EPHA6: variants seen among roughly 807,000 people sequenced by gnomAD.
EPHA6 encodes ephrin type-A receptor 6.
In EPHA6, 50 loss-of-function variants were observed where a neutral mutation model predicts 112.0. The ratio of observed to expected loss-of-function variants is 0.45; its 90% CI spans 0.36 to 0.56. The LOEUF is 0.56. EPHA6 is among the 20% of genes least tolerant of loss of function. The pLI, the probability that EPHA6 is intolerant of heterozygous loss-of-function variation, is 0.00. For missense variants in EPHA6, 1,280 were observed against 1,417.4 expected, an observed-to-expected ratio of 0.90 and a Z score of 1.56; for synonymous variants, 529 against 490.7, an observed-to-expected ratio of 1.08 and a Z score of -1.03.
chr3:97,042,167 G>A (rs909619937), intron 3 of EPHA6, among the ~76,000 whole-genome samples: 29 of 152,130 alleles, frequency 1.9e-4, no homozygotes, highest in African/African-American at 6.8e-4. Flanking sequence ...CTGGTAGGAG[G>A]TGATTGGGTC....
At chr3:97,610,431 G>A (rs967533279) in intron 12 of EPHA6, among the ~76,000 whole-genome samples, 1 of 151,668 alleles carries the variant, frequency 6.6e-6, no homozygotes, top group African/African-American at 2.4e-5. Context: ...TGCAAAAGCA[G>A]CTATAATAAC....
chr3:97,557,234 A>G (rs1258748804), intron 11 of EPHA6, among the ~76,000 whole-genome samples: 1 of 152,064 alleles, frequency 6.6e-6, no homozygotes, highest in Admixed American at 6.6e-5. Flanking sequence ...TGAACGAATA[A>G]GAGTGCCCAT....
At chr3:96,881,430 T>C (rs9874753) in intron 2 of EPHA6, among the ~76,000 whole-genome samples, 195 of 152,246 alleles carry the variant, frequency 1.3e-3, no homozygotes, top group African/African-American at 4.5e-3. Flanking sequence ...TAAAAAACTA[T>C]CAGGTCTCCT....
intron 10 of EPHA6, among the ~76,000 whole-genome samples, chr3:97,512,575 A>G (rs1335959114): frequency 5.3e-5 from 8 of 151,986 alleles, no homozygotes; most frequent in Non-Finnish European, 1.2e-4. Context: ...GATTATTATT[A>G]TTGTTTTGAG....
At chr3:97,712,890 G>C (rs1338120733) in intron 14 of EPHA6, among the ~76,000 whole-genome samples, 1 of 152,124 alleles carries the variant, frequency 6.6e-6, no homozygotes, top group East Asian at 1.9e-4. Context: ...GAGGAGAGGA[G>C]GAGGAGAGTC....
chr3:97,600,478 G>C lies in EPHA6; in HGVS notation c.2512+7741G>C, dbSNP rs187580374. Among the ~76,000 whole-genome samples the C allele has an allele frequency of 4.2e-3, 642 of 151,660 alleles. 3 individuals carry two copies. The highest frequency in any genetic ancestry group is 0.013 in the African/African-American group (532 of 41,352). Reference sequence around the variant, plus strand: ...TTTATTGAGAGTTTTTAGCATGAAGGGTTGTTGAATTTTGTCAAAGGCTTT... The same window carrying C: ...TTTATTGAGAGTTTTTAGCATGAAGCGTTGTTGAATTTTGTCAAAGGCTTT... On this transcript the variant is annotated intron_variant, in intron 12 of 17. Coordinates refer to ENST00000389672, the MANE Select transcript of EPHA6 (RefSeq NM_001080448.3).
chr3:96,974,133 T>C (rs1318693669), intron 2 of EPHA6, among the ~76,000 whole-genome samples: 1 of 145,240 alleles, frequency 6.9e-6, no homozygotes, highest in African/African-American at 2.5e-5. Context: ...AGCTTTATTA[T>C]ACTTATAATT....
intron 2 of EPHA6, among the ~76,000 whole-genome samples, chr3:96,977,107 C>T (rs1258862140): frequency 1.3e-5 from 2 of 152,124 alleles, no homozygotes; most frequent in Non-Finnish European, 2.9e-5. Flanking sequence ...TACATGCTGC[C>T]TAGGGTCTTA....
chr3:97,151,103 C>A (rs1576578409), intron 3 of EPHA6, among the ~76,000 whole-genome samples: 1 of 152,200 alleles, frequency 6.6e-6, no homozygotes, highest in African/African-American at 2.4e-5. Context: ...AACCTATGCC[C>A]CAGCAAACTT....
intron 2 of EPHA6, among the ~76,000 whole-genome samples, chr3:96,943,643 C>G (rs1321305342): frequency 6.6e-6 from 1 of 152,120 alleles, no homozygotes; most frequent in African/African-American, 2.4e-5. Flanking sequence ...AAAACTTATT[C>G]AAACATAAAG....
chr3:97,741,308 A>C (rs1179503511), intron 16 of EPHA6, among the ~76,000 whole-genome samples: 2 of 152,042 alleles, frequency 1.3e-5, no homozygotes, highest in Non-Finnish European at 2.9e-5. Context: ...CACTATGATC[A>C]TGACACTACA....
intron 3 of EPHA6, among the ~76,000 whole-genome samples, chr3:97,047,930 G>T (rs1419838287): frequency 6.6e-6 from 1 of 152,052 alleles, no homozygotes; most frequent in Non-Finnish European, 1.5e-5. Context: ...GAAGTTCCAG[G>T]ATTGTTCAAT....
At chr3:97,367,508 C>A (rs749602046) in intron 5 of EPHA6, among the ~76,000 whole-genome samples, 1 of 152,072 alleles carries the variant, frequency 6.6e-6, no homozygotes, top group East Asian at 1.9e-4. Context: ...TTTTGCCTAA[C>A]TGCTTACTCC....
chr3:96,822,463 T>G (rs2033336080), intron 1 of EPHA6, among the ~76,000 whole-genome samples: 1 of 151,852 alleles, frequency 6.6e-6, no homozygotes, highest in Non-Finnish European at 1.5e-5. Context: ...GCCTATTTGG[T>G]GACCTGTGCT....
In EPHA6 at chr3:97,757,568, G is replaced by A. The variant is rs893104245; in HGVS notation, c.*8867G>A. ...TAAATTATCCCATGGATAATAAAGA[G>A]ATTTTTTTCCAGCCATCATTAAATA... On this transcript the variant is annotated 3_prime_UTR_variant, in exon 18 of 18. Transcript: ENST00000389672. 6.6e-6 allele frequency among the ~76,000 whole-genome samples: 1 copy of A among 151,390 alleles called. No homozygotes were observed. The highest frequency in any genetic ancestry group is 2.4e-5 in the African/African-American group (1 of 41,320).
intron 10 of EPHA6, among the ~76,000 whole-genome samples, chr3:97,497,668 G>A (rs1008226347): frequency 1.3e-5 from 2 of 152,092 alleles, no homozygotes; most frequent in Non-Finnish European, 2.9e-5. Context: ...GAATTTACAA[G>A]TGTTTATTTA....
chr3:97,440,587 T>A (rs897138317), intron 6 of EPHA6, among the ~76,000 whole-genome samples: 5 of 151,078 alleles, frequency 3.3e-5, no homozygotes, highest in African/African-American at 7.2e-5. Flanking sequence ...CTATTTATTT[T>A]AAAAATTTTA....
chr3:97,733,951 G>C (rs2035147156), intron 15 of EPHA6, among the ~76,000 whole-genome samples: 1 of 152,014 alleles, frequency 6.6e-6, no homozygotes, highest in African/African-American at 2.4e-5. Flanking sequence ...GGAGTGGTCA[G>C]AGGAGAATGT....
chr3:97,562,441 G>A (rs1361904294), intron 11 of EPHA6, among the ~76,000 whole-genome samples: 1 of 152,176 alleles, frequency 6.6e-6, no homozygotes. Context: ...AACTGCAGAT[G>A]TGGTGGAAGT....
Sources: gnomAD v4.1 joint callset for allele counts (sites outside exome capture counted in the v4.1 genomes callset) on GRCh38, gnomAD v4.1.1 for gene constraint, MANE v1.5 for transcripts, NCBI Gene and HGNC (gene_info 2026-07-23, HGNC 2026-07-21) for gene names.